Variants in CYBRD1 observed in about 807,000 individuals in gnomAD.
CYBRD1 encodes plasma membrane ascorbate-dependent reductase CYBRD1.
A neutral mutation model predicts 21.9 loss-of-function variants in CYBRD1; 14 were observed. The observed-to-expected ratio is 0.64, with a 90% CI of 0.42 to 1.00. CYBRD1 has a LOEUF of 1.00. Among genes scored for constraint, CYBRD1 ranks in the 50% least tolerant of loss-of-function variants. The pLI is 0.00. For synonymous variants in CYBRD1, 146 were observed against 136.5 expected, an observed-to-expected ratio of 1.07 and a Z score of -0.48; for missense variants, 328 against 352.5, an observed-to-expected ratio of 0.93 and a Z score of 0.56.
At chr2:171,549,030 TA>T (rs1185895615) in intron 2 of CYBRD1, among the ~76,000 whole-genome samples, 4 of 152,166 alleles carry the variant, frequency 2.6e-5, no homozygotes, top group Non-Finnish European at 4.4e-5. Context: ...TAGTAATAAT[TA>T]ACTGAGAAAT....
intron 2 of CYBRD1, among the ~76,000 whole-genome samples, 188 bp downstream of exon 2, chr2:171,541,981 C>T (rs973355706): frequency 6.8e-6 from 1 of 147,392 alleles, no homozygotes; most frequent in Non-Finnish European, 1.5e-5. Flanking sequence ...TCTCCTGTTT[C>T]AGCCTCCCAA....
chr2:171,547,857 A>T (rs1211036506), intron 2 of CYBRD1, among the ~76,000 whole-genome samples: 1 of 151,780 alleles, frequency 6.6e-6, no homozygotes, highest in Non-Finnish European at 1.5e-5. Context: ...GGGTTGTTGA[A>T]CTGCTCATAA....
intron 2 of CYBRD1, among the ~76,000 whole-genome samples, chr2:171,545,469 C>T (rs1247175438): frequency 4.0e-5 from 6 of 150,812 alleles, no homozygotes. Flanking sequence ...ACACCTGCCT[C>T]CTAGGCTCAA....
At chr2:171,545,054 G>A (rs1330756683) in intron 2 of CYBRD1, among the ~76,000 whole-genome samples, 1 of 150,584 alleles carries the variant, frequency 6.6e-6, no homozygotes, top group Non-Finnish European at 1.5e-5. Flanking sequence ...TAGGAGGATT[G>A]CTTAAGCCTG....
intron 1 of CYBRD1, among the ~76,000 whole-genome samples, chr2:171,534,133 G>A (rs1490340204): frequency 6.6e-6 from 1 of 152,108 alleles, no homozygotes; most frequent in African/African-American, 2.4e-5. Flanking sequence ...TGTCATGCTA[G>A]CATGTTCCAC....
In CYBRD1 at chr2:171,522,571, T is replaced by C. The variant is rs1180449537; in HGVS notation, c.26T>C (p.Phe9Ser). The C allele has an allele frequency of 1.9e-6, 3 of 1,609,116 alleles. No homozygotes were observed. The highest frequency in any genetic ancestry group is 1.7e-5 in the Admixed American group (1 of 58,812). The change falls in exon 1 of 4, where the codon TTC becomes TCC. Residue 9 changes from phenylalanine to serine, a missense_variant. Physicochemically the swap from Phe to Ser is radical, Grantham distance 155. Coordinates refer to ENST00000321348, the MANE Select transcript of CYBRD1 (RefSeq NM_024843.4). This position sits in a 1 kb window ranked among gnomAD's most constrained non-coding sequence, Gnocchi z 4.3. MAMEGYWR[F>S]LALLGSALLV... ...ATGGCCATGGAGGGCTACTGGCGCT[T>C]CCTGGCGCTGCTGGGGTCGGCACTG...
intron 2 of CYBRD1, among the ~76,000 whole-genome samples, chr2:171,547,641 A>G (rs1279707135): frequency 6.6e-6 from 1 of 152,068 alleles, no homozygotes; most frequent in Admixed American, 6.5e-5. Context: ...GAAGAAAAGA[A>G]TTGTTGGCTT....
At chr2:171,522,473 G>T (rs1697320861), upstream of CYBRD1, 5 of 1,542,814 alleles carry the variant, frequency 3.2e-6, no homozygotes, top group Non-Finnish European at 3.5e-6. The surrounding 1 kb of genome is among the most constrained non-coding windows in gnomAD (Gnocchi z 4.3). Context: ...CCCGCCGCCC[G>T]GCCACTACCC....
rs1230937601 is a variant in CYBRD1, at chr2:171,522,623, C to T, written c.78C>T (p.Phe26=). 6.2e-7 allele frequency: 1 copy of T among 1,613,114 alleles called. No homozygotes were observed. Among genetic ancestry groups the T allele is most frequent in the South Asian group, 1.1e-5 (1 of 90,658 alleles). Residue 26 remains phenylalanine (F), a synonymous_variant, in exon 1 of 4, where the codon TTC becomes TTT. Coordinates refer to ENST00000321348, the MANE Select transcript of CYBRD1 (RefSeq NM_024843.4). This position sits in a 1 kb window ranked among gnomAD's most constrained non-coding sequence, Gnocchi z 4.3. ...ALLVGFLSVI[F]ALVWVLHYRE... ...TCGTCGGCTTCCTGTCGGTGATCTTCGCCCTCGTCTGGGTCCTCCACTACC... is the reference window on the plus strand; with the variant it reads ...TCGTCGGCTTCCTGTCGGTGATCTTTGCCCTCGTCTGGGTCCTCCACTACC...
chr2:171,534,534 C>T (rs1186905398), intron 1 of CYBRD1, among the ~76,000 whole-genome samples: 1 of 152,186 alleles, frequency 6.6e-6, no homozygotes, highest in East Asian at 1.9e-4. Context: ...AGCATGTAAA[C>T]AGCTTATGCA....
chr2:171,554,656 A>C lies in CYBRD1; in HGVS notation c.690A>C (p.Pro230=), dbSNP rs748304314. 6 of 1,613,988 alleles carry C rather than the reference A, an allele frequency of 3.7e-6. No individual in the cohort carries two copies. In the African/African-American group the frequency reaches 8.0e-5, roughly 22 times the overall value. ...TRPQWKRPKE[P]NSTILHPNGG... ...CGCAATGGAAACGTCCTAAGGAGCC[A>C]AATTCTACCATTCTTCATCCAAATG... Residue 230 remains proline (P), a synonymous_variant, in exon 4 of 4, where the codon CCA becomes CCC. Coordinates refer to ENST00000321348, the MANE Select transcript of CYBRD1 (RefSeq NM_024843.4).
intron 1 of CYBRD1, among the ~76,000 whole-genome samples, chr2:171,536,133 CTTTTTTT>C (rs71013042): frequency 9.1e-6 from 1 of 110,302 alleles, no homozygotes; most frequent in Non-Finnish European, 1.7e-5. Flanking sequence ...GATAGTTACT[CTTTTTTT>C]TTTTTTTTTT....
Position 171,557,152 on chromosome 2 carries a change from A to G in CYBRD1, c.*2325A>G, listed in dbSNP as rs1683503500. On this transcript the variant is annotated 3_prime_UTR_variant, in exon 4 of 4. Coordinates refer to ENST00000321348, the MANE Select transcript of CYBRD1 (RefSeq NM_024843.4). ...AAAACAACGTATATAAAATATATCTAGAAAACCTTTGTTTGAGACTCTTAT... is the reference window on the plus strand; with the variant it reads ...AAAACAACGTATATAAAATATATCTGGAAAACCTTTGTTTGAGACTCTTAT... The G allele has an allele frequency of 6.6e-6, 1 of 152,644 alleles. No homozygotes were observed. The highest frequency in any genetic ancestry group is 2.4e-5 in the African/African-American group (1 of 41,468). The allele number at this position is 152,644 out of a possible 1,614,324, so 9.5% of individuals were successfully genotyped here. A position where few individuals can be genotyped will look rare whatever the true frequency, so the allele number is the denominator to read the frequency against.
In CYBRD1 at chr2:171,548,638, T is replaced by C. The variant is rs190970350; in HGVS notation, c.403-4708T>C. ...TACTTGAAAGCTCATTAAATCTACC[T>C]GTACCCTAAAAAAAAAAAAAAAAAA... On this transcript the variant is annotated intron_variant, in intron 2 of 3. Transcript: ENST00000321348. Among the ~76,000 whole-genome samples, 467 of 127,948 alleles carry C rather than the reference T, an allele frequency of 3.6e-3. 5 individuals carry two copies. Among genetic ancestry groups the C allele is most frequent in the African/African-American group, 0.014 (439 of 31,978 alleles). 83.9% of individuals were successfully genotyped at this position (127,948 alleles called of 152,430 possible).
intron 1 of CYBRD1, among the ~76,000 whole-genome samples, chr2:171,523,720 TG>T (rs1471971659): frequency 2.2e-5 from 2 of 92,512 alleles, no homozygotes; most frequent in Non-Finnish European, 4.1e-5. Context: ...TTGTTGTCAT[TG>T]TGTAGTGCCT....
chr2:171,547,355 A>G (rs1574442651), intron 2 of CYBRD1, among the ~76,000 whole-genome samples: 1 of 151,938 alleles, frequency 6.6e-6, no homozygotes, highest in African/African-American at 2.4e-5. Context: ...AACTCAGTCA[A>G]GAGGTTTGGG....
rs190285268 is a variant in CYBRD1 at position 171,535,013 on chromosome 2, C to T, written c.194-6572C>T. ...CCAAGATTGCGCCACTACACTCCAG[C>T]CTGGGTGACAGAGTGAGACCCTGTC... On this transcript the variant is annotated intron_variant, in intron 1 of 3. Coordinates refer to ENST00000321348, the MANE Select transcript of CYBRD1 (RefSeq NM_024843.4). 3.0e-3 allele frequency among the ~76,000 whole-genome samples: 461 copies of T among 152,212 alleles called. 4 individuals are homozygous for T. Among genetic ancestry groups the T allele is most frequent in the African/African-American group, 9.5e-3 (396 of 41,512 alleles).
chr2:171,541,865 T>A, intron 2 of CYBRD1, 72 bp downstream of exon 2: 1 of 1,082,732 alleles, frequency 9.2e-7, no homozygotes, highest in Non-Finnish European at 1.3e-6. Context: ...TCTTTTCTTT[T>A]TTTTTTTTTT....
intron 1 of CYBRD1, among the ~76,000 whole-genome samples, chr2:171,532,986 TA>T (rs1190445325): frequency 6.6e-6 from 1 of 151,888 alleles, no homozygotes; most frequent in East Asian, 1.9e-4. Flanking sequence ...AAATAAATTT[TA>T]AAAAAAGTAA....
Sources: gnomAD v4.1 joint callset for allele counts (sites outside exome capture counted in the v4.1 genomes callset) on GRCh38, gnomAD v4.1.1 for gene constraint, Gnocchi (gnomAD v3.1) non-coding constraint, MANE v1.5 for transcripts, NCBI Gene and HGNC (gene_info 2026-07-23, HGNC 2026-07-21) for gene names.